ATRX: variants seen among roughly 807,000 people sequenced by gnomAD.
ATRX encodes ATRX chromatin remodeler.
In ATRX, 12 loss-of-function variants were observed where a neutral mutation model predicts 172.6. The observed-to-expected ratio is 0.07, with a 90% CI of 0.04 to 0.11. ATRX has a LOEUF of 0.11. Among genes scored for constraint, ATRX ranks in the 10% least tolerant of loss-of-function variants. The pLI is 1.00. For missense variants in ATRX, 1,368 were observed against 1,767.4 expected (o/e 0.77, Z 4.05); for synonymous variants, 674 against 594.7 (o/e 1.13, Z -1.94).
At chrX:77,547,995 A>C (rs2064310757) in intron 30 of ATRX, among the ~76,000 whole-genome samples, 1 of 112,218 alleles carries the variant, frequency 8.9e-6, no homozygotes. Context: ...AAACAAAAAC[A>C]GCAGCTAACA....
intron 34 of ATRX, among the ~76,000 whole-genome samples, chrX:77,511,284 T>C (rs1459062763): frequency 9.0e-6 from 1 of 111,651 alleles, no homozygotes; most frequent in East Asian, 2.8e-4. Flanking sequence ...GCAGTGACCA[T>C]TAGATCACAA....
At chrX:77,739,549 T>A (rs1263895199) in intron 1 of ATRX, among the ~76,000 whole-genome samples, 1 of 110,633 alleles carries the variant, frequency 9.0e-6, no homozygotes, top group Non-Finnish European at 1.9e-5. Context: ...TCCAAATAAG[T>A]ACAGCAACTA....
In ATRX at chrX:77,682,711, A is replaced by G; in HGVS notation, c.2545T>C (p.Ser849Pro). Reference protein sequence around the residue: ...KRIPNTKDFDSSEDEKHSKKG... With the variant: ...KRIPNTKDFDPSEDEKHSKKG... ...TTGCTGTGTTTCTCATCTTCAGAAGAGTCAAAATCTTTTGTATTTGGAATT... is the reference window on the plus strand; with the variant it reads ...TTGCTGTGTTTCTCATCTTCAGAAGGGTCAAAATCTTTTGTATTTGGAATT... The change falls in exon 9 of 35, where the codon TCT (serine) becomes CCT (proline). Residue 849 changes from serine (S) to proline (P), a missense_variant. By Grantham distance (74) the Ser-to-Pro change is moderately conservative. This residue lies in a region of ATRX where 843 missense variants were observed against 643.1 expected (regional missense o/e 1.31). Coordinates refer to ENST00000373344, the MANE Select transcript of ATRX (RefSeq NM_000489.6). The G allele has an allele frequency of 8.3e-7, 1 of 1,209,509 alleles. No homozygotes were observed. Among genetic ancestry groups the G allele is most frequent in the Non-Finnish European group, 1.1e-6 (1 of 895,134 alleles).
Position 77,664,661 on chromosome X carries a change from T to G in ATRX, c.3927A>C (p.Glu1309Asp), listed in dbSNP as rs1557125077. ...GKKRTGKQNE[E>D]NPGDEEAKNQ... ...GGAGCTCACCCTCATCTCCTGGGTTTTCTTCATTTTGTTTTCCAGTTCTTT... is the reference window on the plus strand; with the variant it reads ...GGAGCTCACCCTCATCTCCTGGGTTGTCTTCATTTTGTTTTCCAGTTCTTT... Residue 1309 changes from glutamate (E) to aspartate (D), a missense_variant, in exon 11 of 35, where the codon GAA (glutamate) becomes GAC (aspartate). Glu to Asp is a conservative substitution (Grantham distance 45). Transcript: ENST00000373344. 5.0e-6 allele frequency: 6 copies of G among 1,211,593 alleles called. No individual in the cohort carries two copies. Among genetic ancestry groups the G allele is most frequent in the Non-Finnish European group, 6.7e-6 (6 of 895,300 alleles).
At chrX:77,559,505 C>T (rs1334536858) in intron 28 of ATRX, among the ~76,000 whole-genome samples, 2 of 77,126 alleles carry the variant, frequency 2.6e-5, no homozygotes, top group Non-Finnish European at 4.5e-5. Flanking sequence ...GTCACCCAGG[C>T]GGGAGTGCAA....
chrX:77,712,683 G>A (rs2073172023), intron 2 of ATRX, among the ~76,000 whole-genome samples: 1 of 110,726 alleles, frequency 9.0e-6, no homozygotes, highest in Non-Finnish European at 1.9e-5. Context: ...ACAAAAATTA[G>A]CTGGGCACGG....
rs781825683 is a variant in ATRX at position 77,737,477 on chromosome X, TA to T, written c.21-20235del. 1.3e-3 allele frequency among the ~76,000 whole-genome samples: 72 copies of T among 55,539 alleles called. 1 individual carries two copies. Among genetic ancestry groups the T allele is most frequent in the Middle Eastern group, 0.01 (1 of 99 alleles). The allele number at this position is 55,539 out of a possible 115,157, so 48.2% of individuals were successfully genotyped here. On this transcript the variant is annotated intron_variant, in intron 1 of 34. Coordinates refer to ENST00000373344, the MANE Select transcript of ATRX (RefSeq NM_000489.6). Reference sequence around the variant, plus strand: ...GTATTTGATGGCACAACAGGGTGTATATAATAAATAATAGATAATACATTAA... The same window carrying T: ...GTATTTGATGGCACAACAGGGTGTATTAATAAATAATAGATAATACATTAA...
At chrX:77,597,806 A>C (rs1557084739) in intron 25 of ATRX, among the ~76,000 whole-genome samples, 1 of 112,266 alleles carries the variant, frequency 8.9e-6, no homozygotes, top group African/African-American at 3.2e-5. Flanking sequence ...GATGCTGGAG[A>C]AGGGGCAAAG....
intron 1 of ATRX, among the ~76,000 whole-genome samples, chrX:77,774,354 A>G (rs1378084937): frequency 8.9e-6 from 1 of 111,800 alleles, no homozygotes; most frequent in African/African-American, 3.3e-5. Context: ...AGCAATTGGT[A>G]AAATGTGAAT....
rs1435896153 is a variant in ATRX, at chrX:77,528,174, G to A, written c.6700-4773C>T. On this transcript the variant is annotated intron_variant, in intron 30 of 34. Transcript: ENST00000373344. ...TCCCCGCACAAGGCACAGCGCAGCTGCCTTGCCAGATTGTAGCCAGACTGC... is the reference window on the plus strand; with the variant it reads ...TCCCCGCACAAGGCACAGCGCAGCTACCTTGCCAGATTGTAGCCAGACTGC... 3.6e-5 allele frequency among the ~76,000 whole-genome samples: 4 copies of A among 110,107 alleles called. No homozygotes were observed. In the Admixed American group the frequency reaches 3.8e-4, roughly 11 times the overall value.
intron 2 of ATRX, among the ~76,000 whole-genome samples, chrX:77,713,767 T>C (rs1410757542): frequency 9.0e-6 from 1 of 111,552 alleles, no homozygotes; most frequent in Non-Finnish European, 1.9e-5. Context: ...ATCATAGGAA[T>C]AAATTATTCA....
At chrX:77,760,245 A>G (rs111297981) in intron 1 of ATRX, among the ~76,000 whole-genome samples, 6,303 of 107,043 alleles carry the variant, frequency 0.059, 204 homozygotes, top group African/African-American at 0.11. Context: ...TAAAAACAAC[A>G]TTGAGCAAAC....
At chrX:77,567,040 C>T (rs782016050) in intron 28 of ATRX, among the ~76,000 whole-genome samples, 15 of 111,004 alleles carry the variant, frequency 1.4e-4, no homozygotes, top group Non-Finnish European at 2.6e-4. Context: ...CACCAGTAGA[C>T]TGTAATAAGT....
chrX:77,676,974 T>A (rs1156383290), intron 9 of ATRX, among the ~76,000 whole-genome samples: 3 of 110,700 alleles, frequency 2.7e-5, no homozygotes, highest in Non-Finnish European at 5.7e-5. Flanking sequence ...ACACAAAAAT[T>A]AACCAGCCAT....
rs1275278007 is a variant in ATRX at position 77,726,294 on chromosome X, T to TA, written c.21-9052dup. Reference sequence around the variant, plus strand: ...CACACCATGGAATACTATGCAGCCATAAAAAAGGATGAGTTCATGTCCTAT... The same window carrying TA: ...CACACCATGGAATACTATGCAGCCATAAAAAAAGGATGAGTTCATGTCCTAT... On this transcript the variant is annotated intron_variant, in intron 1 of 34. Transcript: ENST00000373344. Among the ~76,000 whole-genome samples, 7 of 109,742 alleles carry TA rather than the reference T, an allele frequency of 6.4e-5. No homozygotes were observed. The East Asian group carries it at 8.7e-4, about 14-fold the overall frequency.
At chrX:77,777,456 T>C (rs1396336463) in intron 1 of ATRX, among the ~76,000 whole-genome samples, 1 of 110,944 alleles carries the variant, frequency 9.0e-6, no homozygotes, top group Non-Finnish European at 1.9e-5. Flanking sequence ...AGGCCACTGG[T>C]TGGTAGGCCA....
chrX:77,753,936 G>C (rs1197881377), intron 1 of ATRX, among the ~76,000 whole-genome samples: 1 of 111,510 alleles, frequency 9.0e-6, no homozygotes, highest in Non-Finnish European at 1.9e-5. Context: ...TTGACAGTGT[G>C]GTGTTAAAGT....
At chrX:77,618,609 C>T (rs781801621) in intron 21 of ATRX, among the ~76,000 whole-genome samples, 197 bp downstream of exon 21, 45 of 111,728 alleles carry the variant, frequency 4.0e-4, no homozygotes, top group African/African-American at 1.5e-3. Flanking sequence ...ATGTTTTAAA[C>T]TCAGCGGAAC....
chrX:77,635,845 C>T (rs2148356660), intron 16 of ATRX, 70 bp downstream of exon 16: 3 of 1,023,146 alleles, frequency 2.9e-6, no homozygotes, highest in Non-Finnish European at 4.0e-6. Context: ...GGATGTGAGG[C>T]AGCTGCCTCA....
Sources: gnomAD v4.1 joint callset for allele counts (sites outside exome capture counted in the v4.1 genomes callset) on GRCh38, gnomAD v4.1.1 for gene constraint, gnomAD v4.1.1 regional missense constraint, MANE v1.5 for transcripts, NCBI Gene and HGNC (gene_info 2026-07-23, HGNC 2026-07-21) for gene names.